The following RGS7BP variants were observed in gnomAD, a reference collection of about 807,000 sequenced individuals.
The protein encoded by RGS7BP is regulator of G protein signaling 7-binding protein.
In RGS7BP, 9 loss-of-function variants were observed where a neutral mutation model predicts 31.3. That is an observed-to-expected ratio of 0.29 (90% CI 0.17 to 0.50). The LOEUF is 0.50. Ranked by LOEUF, RGS7BP falls within the 20% of genes least tolerant of loss-of-function variation. The pLI is 0.98. For synonymous variants in RGS7BP, 115 were observed against 120.1 expected (o/e 0.96, Z 0.28); for missense variants, 274 against 322.0 (o/e 0.85, Z 1.14).
chr5:64,538,481 A>G (rs190163872), intron 2 of RGS7BP, among the ~76,000 whole-genome samples: 4 of 122,022 alleles, frequency 3.3e-5, no homozygotes, highest in Admixed American at 1.7e-4. Context: ...AGAAGCATGT[A>G]GCCATTTTTT....
At chr5:64,542,872 A>T (rs1741560219) in intron 2 of RGS7BP, among the ~76,000 whole-genome samples, 1 of 152,176 alleles carries the variant, frequency 6.6e-6, no homozygotes, top group Non-Finnish European at 1.5e-5. Flanking sequence ...TTTTATATGC[A>T]CTGTCTCCTT....
chr5:64,517,677 G>T (rs889924669), intron 2 of RGS7BP, among the ~76,000 whole-genome samples: 1 of 152,146 alleles, frequency 6.6e-6, no homozygotes, highest in Non-Finnish European at 1.5e-5. Flanking sequence ...AGGGGAAAGC[G>T]TCCAGAAAGG....
In RGS7BP at chr5:64,512,958, T is replaced by C. The variant is rs1225276985; in HGVS notation, c.332+5081T>C. On this transcript the variant is annotated intron_variant, in intron 2 of 5. Coordinates refer to ENST00000334025, the MANE Select transcript of RGS7BP (RefSeq NM_001029875.3). Reference sequence around the variant, plus strand: ...TAGTTCTGGTATAGGCTATATGTCATTGGACAAGTCTGTTAAATTCTCTGC... The same window carrying C: ...TAGTTCTGGTATAGGCTATATGTCACTGGACAAGTCTGTTAAATTCTCTGC... 5.3e-5 allele frequency among the ~76,000 whole-genome samples: 8 copies of C among 152,218 alleles called. No homozygotes were observed. The East Asian group carries it at 1.5e-3, about 29-fold the overall frequency.
intron 3 of RGS7BP, among the ~76,000 whole-genome samples, chr5:64,589,408 G>C (rs1051372225): frequency 6.6e-6 from 1 of 152,022 alleles, no homozygotes; most frequent in Non-Finnish European, 1.5e-5. Context: ...TCATGAATAA[G>C]ACAAACTGAC....
chr5:64,550,633 GGTTT>G (rs1394086382), intron 2 of RGS7BP, among the ~76,000 whole-genome samples: 1 of 151,740 alleles, frequency 6.6e-6, no homozygotes, highest in Non-Finnish European at 1.5e-5. Context: ...ACAATGTGCA[GGTTT>G]GTTACATATG....
rs115140769 is a variant in RGS7BP at position 64,576,798 on chromosome 5, G to T, written c.463+894G>T. Among the ~76,000 whole-genome samples, 525 of 152,290 alleles carry T rather than the reference G, an allele frequency of 3.4e-3. 6 individuals are homozygous for T. Among genetic ancestry groups the T allele is most frequent in the African/African-American group, 0.012 (500 of 41,576 alleles). ...AAGGATGTCACAGAGGAAGCCAAAA[G>T]TATCCATCACCAGAAGACTCAACCT... On this transcript the variant is annotated intron_variant, in intron 3 of 5. Transcript: ENST00000334025.
intron 4 of RGS7BP, among the ~76,000 whole-genome samples, chr5:64,597,706 C>A (rs1454614691): frequency 1.3e-5 from 2 of 151,242 alleles, no homozygotes; most frequent in African/African-American, 4.9e-5. Context: ...GGTGGGTACA[C>A]ATGGACATGG....
At chr5:64,514,718 G>A (rs1481836171) in intron 2 of RGS7BP, among the ~76,000 whole-genome samples, 2 of 152,120 alleles carry the variant, frequency 1.3e-5, no homozygotes, top group Non-Finnish European at 2.9e-5. Flanking sequence ...CCACACCCGG[G>A]GTGTTCACTT....
chr5:64,599,060 A>G (rs955558164), intron 5 of RGS7BP, among the ~76,000 whole-genome samples: 4 of 152,186 alleles, frequency 2.6e-5, no homozygotes, highest in African/African-American at 9.7e-5. Context: ...GGAGATGTTC[A>G]CTAGAATGAG....
chr5:64,579,951 T>C (rs1011709334), intron 3 of RGS7BP, among the ~76,000 whole-genome samples: 1 of 152,242 alleles, frequency 6.6e-6, no homozygotes, highest in Admixed American at 6.5e-5. Flanking sequence ...AAATGTCAGC[T>C]GGTGCCACTA....
chr5:64,583,412 AG>A (rs1315534570), intron 3 of RGS7BP, among the ~76,000 whole-genome samples: 6 of 152,042 alleles, frequency 3.9e-5, no homozygotes, highest in African/African-American at 1.4e-4. Flanking sequence ...AAGACTGAAC[AG>A]GTTTCTGTTT....
At chr5:64,535,601 C>T (rs1048956821) in intron 2 of RGS7BP, among the ~76,000 whole-genome samples, 2 of 152,200 alleles carry the variant, frequency 1.3e-5, no homozygotes, top group African/African-American at 4.8e-5. Context: ...GAAAGGTTAT[C>T]CAACATAGAG....
intron 4 of RGS7BP, among the ~76,000 whole-genome samples, chr5:64,595,899 A>G (rs1743051390): frequency 1.3e-5 from 2 of 152,230 alleles, no homozygotes; most frequent in Non-Finnish European, 2.9e-5. Context: ...TGTGGTAATT[A>G]TGTGCTATTA....
At chr5:64,514,894 C>G (rs1748932568) in intron 2 of RGS7BP, among the ~76,000 whole-genome samples, 1 of 152,194 alleles carries the variant, frequency 6.6e-6, no homozygotes, top group Non-Finnish European at 1.5e-5. Flanking sequence ...GATATGGCAT[C>G]AAGACAAGTG....
At chr5:64,574,327 T>C in intron 2 of RGS7BP, among the ~76,000 whole-genome samples, 1 of 151,652 alleles carries the variant, frequency 6.6e-6, no homozygotes, top group East Asian at 1.9e-4. Flanking sequence ...TATGTCTGGG[T>C]ATGTCTGAGT....
rs79302209 is a variant in RGS7BP, at chr5:64,512,092, G to A, written c.332+4215G>A. 8.0e-3 allele frequency among the ~76,000 whole-genome samples: 1,226 copies of A among 152,304 alleles called. 16 individuals are homozygous for A. The highest frequency in any genetic ancestry group is 0.027 in the African/African-American group (1,109 of 41,564). On this transcript the variant is annotated intron_variant, in intron 2 of 5. Coordinates refer to ENST00000334025, the MANE Select transcript of RGS7BP (RefSeq NM_001029875.3). Reference sequence around the variant, plus strand: ...CAACATCCTCCAGCACACCTTGGGAGTTACTGCTATGGCTGGGGGGCTGGT... The same window carrying A: ...CAACATCCTCCAGCACACCTTGGGAATTACTGCTATGGCTGGGGGGCTGGT...
chr5:64,579,405 G>T (rs111318128), intron 3 of RGS7BP, among the ~76,000 whole-genome samples: 25,307 of 151,538 alleles, frequency 0.17, 2,212 homozygotes, highest in Admixed American at 0.22. Flanking sequence ...TTAGCTGGGT[G>T]TGGTGGCATG....
intron 2 of RGS7BP, among the ~76,000 whole-genome samples, chr5:64,543,362 A>G (rs1741573294): frequency 6.6e-6 from 1 of 152,264 alleles, no homozygotes; most frequent in Non-Finnish European, 1.5e-5. Flanking sequence ...CAAAAAGAGA[A>G]TTAATTGGTG....
chr5:64,593,504 T>C lies in RGS7BP; in HGVS notation c.464-1206T>C, dbSNP rs556303393. On this transcript the variant is annotated intron_variant, in intron 3 of 5. Transcript: ENST00000334025. ...CTCATGAATATTCAGTGATATGGGCTGTAACAATTACTTAACAACTAGTCT... is the reference window on the plus strand; with the variant it reads ...CTCATGAATATTCAGTGATATGGGCCGTAACAATTACTTAACAACTAGTCT... Among the ~76,000 whole-genome samples the C allele has an allele frequency of 5.6e-4, 86 of 152,328 alleles. No homozygotes were observed. The South Asian group carries it at 0.014, about 26-fold the overall frequency.
Sources: gnomAD v4.1 joint callset for allele counts (sites outside exome capture counted in the v4.1 genomes callset) on GRCh38, gnomAD v4.1.1 for gene constraint, MANE v1.5 for transcripts, NCBI Gene and HGNC (gene_info 2026-07-23, HGNC 2026-07-21) for gene names.